Variants in ACOT12 observed in about 807,000 individuals in gnomAD.
ACOT12 encodes the protein acetyl-coenzyme A thioesterase.
Under a neutral mutation model 67.7 loss-of-function variants are expected in ACOT12, and 51 were observed. The observed-to-expected ratio is 0.75, with a 90% CI of 0.60 to 0.95. The LOEUF is 0.95. Among genes scored for constraint, ACOT12 ranks in the 40% least tolerant of loss-of-function variants. ACOT12 has a pLI of 0.00. For synonymous variants in ACOT12, 251 were observed against 244.6 expected, an observed-to-expected ratio of 1.03 and a Z score of -0.24; for missense variants, 734 against 708.1, an observed-to-expected ratio of 1.04 and a Z score of -0.41.
chr5:81,355,437 T>G (rs554953774), intron 5 of ACOT12, among the ~76,000 whole-genome samples: 32 of 152,182 alleles, frequency 2.1e-4, no homozygotes, highest in Non-Finnish European at 5.9e-5. Flanking sequence ...GAGGTCATTA[T>G]GTCAAGCAAA....
chr5:81,345,052 T>G lies in ACOT12; in HGVS notation c.774-11A>C. ...ACTCCAACTTCAACACTGTGAAGGG[T>G]GATGCAGGGCGGTGGGCAAAGAGGA... On this transcript the variant is annotated splice_polypyrimidine_tract_variant and intron_variant, in intron 7 of 14. Coordinates refer to ENST00000307624, the MANE Select transcript of ACOT12 (RefSeq NM_130767.3). 6.2e-7 allele frequency: 1 copy of G among 1,613,700 alleles called. No homozygotes were observed. The highest frequency in any genetic ancestry group is 8.5e-7 in the Non-Finnish European group (1 of 1,179,864).
Position 81,330,884 on chromosome 5 carries a change from G to A in ACOT12, c.1448C>T (p.Pro483Leu), listed in dbSNP as rs1480986367. The A allele has an allele frequency of 1.9e-6, 3 of 1,613,656 alleles. No individual in the cohort carries two copies. Among genetic ancestry groups the A allele is most frequent in the Non-Finnish European group, 2.5e-6 (3 of 1,179,768 alleles). ...TATGATTTCACTTCTGATGTACTGT[G>A]GAGACGGGGGGACCGATGGCAAAAT... is the stretch of plus-strand genomic sequence containing the variant. ...SVILPSVPPS[P>L]QYIRSEIICA... The change falls in exon 14 of 15, where the codon CCA becomes CTA. Residue 483 changes from proline to leucine, a missense_variant. Coordinates refer to ENST00000307624, the MANE Select transcript of ACOT12 (RefSeq NM_130767.3).
At chr5:81,345,426 C>T (rs1178731947) in intron 7 of ACOT12, among the ~76,000 whole-genome samples, 2 of 151,960 alleles carry the variant, frequency 1.3e-5, no homozygotes, top group African/African-American at 4.8e-5. Context: ...TGAAATTAGA[C>T]AGGAAACACA....
At chr5:81,350,156 C>T (rs1287513643) in intron 5 of ACOT12, among the ~76,000 whole-genome samples, 1 of 152,152 alleles carries the variant, frequency 6.6e-6, no homozygotes, top group Non-Finnish European at 1.5e-5. Flanking sequence ...TGTTTCCTAA[C>T]CTCCCTTACA....
In ACOT12 at chr5:81,359,087, C is replaced by T. The variant is rs371485703; in HGVS notation, c.496+816G>A. Reference sequence around the variant, plus strand: ...TTCTCTTTTGACATCCTTGTTCTGACATGTTCTTGTCCTCTCCTTTCCTTC... The same window carrying T: ...TTCTCTTTTGACATCCTTGTTCTGATATGTTCTTGTCCTCTCCTTTCCTTC... On this transcript the variant is annotated intron_variant, in intron 5 of 14. Transcript: ENST00000307624. Among the ~76,000 whole-genome samples, 92 of 152,272 alleles carry T rather than the reference C, an allele frequency of 6.0e-4. 1 individual carries two copies. The highest frequency in any genetic ancestry group is 2.0e-3 in the African/African-American group (84 of 41,560).
intron 3 of ACOT12, among the ~76,000 whole-genome samples, chr5:81,367,347 T>C (rs1029199877): frequency 3.9e-5 from 6 of 152,160 alleles, no homozygotes; most frequent in Admixed American, 6.5e-5. Flanking sequence ...GTTTAAAACA[T>C]AAATAATAAC....
chr5:81,324,767 A>G, the ACOT12 span, among the ~76,000 whole-genome samples: 1 of 152,248 alleles, frequency 6.6e-6, no homozygotes, highest in African/African-American at 2.4e-5. Flanking sequence ...AGAAGCAAGG[A>G]GTCAACTTCA....
Position 81,335,980 on chromosome 5 carries a change from T to C in ACOT12, c.1129-79A>G, listed in dbSNP as rs190848050. ...AGAAACCATATGCATATATATGTAG[T>C]CATAGACCAATTGCACTAACTAAGG... On this transcript the variant is annotated intron_variant, in intron 11 of 14. Coordinates refer to ENST00000307624, the MANE Select transcript of ACOT12 (RefSeq NM_130767.3). 3.2e-5 allele frequency: 45 copies of C among 1,418,216 alleles called. No individual in the cohort carries two copies. In the East Asian group the frequency reaches 6.7e-4, roughly 21 times the overall value. 87.9% of individuals were successfully genotyped at this position (1,418,216 alleles called of 1,614,324 possible). A position where few individuals can be genotyped will look rare whatever the true frequency, so the allele number is the denominator to read the frequency against.
chr5:81,374,905 G>A (rs992854594), intron 2 of ACOT12, among the ~76,000 whole-genome samples: 6 of 152,104 alleles, frequency 3.9e-5, no homozygotes, highest in East Asian at 3.9e-4. Context: ...GAACCAAGTC[G>A]GAAAACACTC....
chr5:81,377,609 A>C (rs1461647113), intron 2 of ACOT12, among the ~76,000 whole-genome samples: 1 of 152,226 alleles, frequency 6.6e-6, no homozygotes, highest in Non-Finnish European at 1.5e-5. Flanking sequence ...TCAGCTCAAA[A>C]TCTCCTTAAG....
chr5:81,363,897 G>T lies in ACOT12; in HGVS notation c.259-8C>A, dbSNP rs965247319. ...CATGACCTTGATACTGATCTAAAAT[G>T]AAAAAAAGATAAATAAATACACTCT... On this transcript the variant is annotated splice_region_variant and splice_polypyrimidine_tract_variant and intron_variant, in intron 3 of 14. Coordinates refer to ENST00000307624, the MANE Select transcript of ACOT12 (RefSeq NM_130767.3). 8 of 1,544,362 alleles carry T rather than the reference G, an allele frequency of 5.2e-6. No individual in the cohort carries two copies. The highest frequency in any genetic ancestry group is 6.1e-6 in the Non-Finnish European group (7 of 1,145,484).
chr5:81,393,229 G>A (rs982110464), intron 1 of ACOT12, among the ~76,000 whole-genome samples: 1 of 152,096 alleles, frequency 6.6e-6, no homozygotes, highest in African/African-American at 2.4e-5. Context: ...AGAGAGACTC[G>A]CCAGGATGTA....
the ACOT12 span, among the ~76,000 whole-genome samples, chr5:81,313,539 C>G: frequency 6.6e-6 from 1 of 152,058 alleles, no homozygotes; most frequent in Admixed American, 6.6e-5. Context: ...AATCAGAGAC[C>G]CATTAGCTTC....
chr5:81,344,495 C>A (rs1250815622), intron 8 of ACOT12, among the ~76,000 whole-genome samples: 1 of 152,178 alleles, frequency 6.6e-6, no homozygotes, highest in South Asian at 2.1e-4. Flanking sequence ...ATTCTCACTA[C>A]AGAGTTTTTA....
At chr5:81,326,550 T>A (rs191630008), downstream of ACOT12, among the ~76,000 whole-genome samples, 12 of 152,308 alleles carry the variant, frequency 7.9e-5, no homozygotes, top group East Asian at 2.1e-3. Context: ...TATCAGCATA[T>A]TTGTGTTGCT....
At chr5:81,319,667 AG>A in the ACOT12 span, among the ~76,000 whole-genome samples, 1 of 151,670 alleles carries the variant, frequency 6.6e-6, no homozygotes, top group Admixed American at 6.6e-5. Context: ...CAGTGAGCTG[AG>A]ATAGCGCCAT....
chr5:81,309,157 T>C, the ACOT12 span: 14 of 732,308 alleles, frequency 1.9e-5, no homozygotes, highest in Admixed American at 2.0e-4. Context: ...CCTTGAGAAT[T>C]ACATTATTTT....
chr5:81,351,627 C>G (rs975648178), intron 5 of ACOT12, among the ~76,000 whole-genome samples: 1 of 152,200 alleles, frequency 6.6e-6, no homozygotes, highest in Non-Finnish European at 1.5e-5. Flanking sequence ...AGGCTTAAAT[C>G]TAAGACCTCA....
In ACOT12 at chr5:81,347,929, A is replaced by G; in HGVS notation, c.498T>C (p.Asp166=). 6.2e-7 allele frequency: 1 copy of G among 1,612,958 alleles called. No individual in the cohort carries two copies. The highest frequency in any genetic ancestry group is 1.1e-5 in the South Asian group (1 of 90,722). ...CTCCTTCCTCTTCATCAAAAATGAGATCTGAAAGGTGGATGTAAACATTAA... is the reference window on the plus strand; with the variant it reads ...CTCCTTCCTCTTCATCAAAAATGAGGTCTGAAAGGTGGATGTAAACATTAA... ...NLMKESSKFD[D]LIFDEEEGAV... is the part of the protein sequence containing the mutation. Residue 166 remains aspartate (D), a splice_region_variant and synonymous_variant, in exon 6 of 15, where the codon GAT becomes GAC. Transcript: ENST00000307624.
Sources: allele counts gnomAD v4.1 joint callset (sites outside exome capture counted in the v4.1 genomes callset), GRCh38; gene constraint gnomAD v4.1.1; transcripts MANE v1.5; gene names NCBI Gene and HGNC (gene_info 2026-07-23, HGNC 2026-07-21).